Variants in PHKB observed in about 807,000 individuals in gnomAD.
PHKB encodes the protein phosphorylase kinase regulatory subunit beta, also known as phosphorylase b kinase regulatory subunit beta.
A neutral mutation model predicts 152.1 loss-of-function variants in PHKB; 122 were observed. That is an observed-to-expected ratio of 0.80 (90% confidence interval 0.69 to 0.93). The LOEUF is 0.93. Ranked by LOEUF, PHKB falls within the 40% of genes least tolerant of loss-of-function variation. PHKB has a pLI of 0.00. For synonymous variants in PHKB, 436 were observed against 464.9 expected (o/e 0.94, Z 0.80); for missense variants, 1,304 against 1,328.4 (o/e 0.98, Z 0.29).
chr16:47,543,023 A>G (rs1380994518), intron 6 of PHKB, among the ~76,000 whole-genome samples: 1 of 152,160 alleles, frequency 6.6e-6, no homozygotes, highest in African/African-American at 2.4e-5. Context: ...CCTGGCCCGA[A>G]CTTCCAACAT....
intron 14 of PHKB, among the ~76,000 whole-genome samples, chr16:47,629,245 A>C (rs1361922617): frequency 6.6e-6 from 1 of 152,088 alleles, no homozygotes; most frequent in Non-Finnish European, 1.5e-5. Flanking sequence ...CAACCTACAA[A>C]ATGGGAGAAA....
intron 14 of PHKB, among the ~76,000 whole-genome samples, chr16:47,629,709 A>C (rs1295761049): frequency 6.6e-6 from 1 of 152,230 alleles, no homozygotes; most frequent in South Asian, 2.1e-4. Flanking sequence ...ATGCTGCTAT[A>C]AAGTCATATG....
chr16:47,671,519 C>T (rs1221811649), intron 26 of PHKB, among the ~76,000 whole-genome samples: 1 of 151,906 alleles, frequency 6.6e-6, no homozygotes, highest in East Asian at 1.9e-4. Flanking sequence ...TAACTTTTTT[C>T]CTTTTCTGTT....
intron 14 of PHKB, among the ~76,000 whole-genome samples, chr16:47,626,024 A>T (rs1972703122): frequency 6.6e-6 from 1 of 152,214 alleles, no homozygotes; most frequent in African/African-American, 2.4e-5. Context: ...AAAATGTTTC[A>T]TTCATCTTTC....
chr16:47,571,857 A>G (rs1230604120), intron 7 of PHKB, among the ~76,000 whole-genome samples: 1 of 152,104 alleles, frequency 6.6e-6, no homozygotes, highest in Non-Finnish European at 1.5e-5. Flanking sequence ...GTGGTACTCA[A>G]GGTTCATACT....
rs1969694830 is a variant in PHKB at position 47,467,820 on chromosome 16, T to G, written c.76+6394T>G. Among the ~76,000 whole-genome samples, 6 of 152,284 alleles carry G rather than the reference T, an allele frequency of 3.9e-5. No individual in the cohort carries two copies. The South Asian group carries it at 1.2e-3, about 32-fold the overall frequency. On this transcript the variant is annotated intron_variant, in intron 1 of 30. Coordinates refer to ENST00000323584, the MANE Select transcript of PHKB (RefSeq NM_000293.3). Reference sequence around the variant, plus strand: ...CACATTGTGCATTCTAAAAGCGATTTTCCTTGTGCTGTTTTATCTTCAGTC... The same window carrying G: ...CACATTGTGCATTCTAAAAGCGATTGTCCTTGTGCTGTTTTATCTTCAGTC...
chr16:47,605,288 C>A (rs1167959031), intron 13 of PHKB, among the ~76,000 whole-genome samples: 3 of 152,088 alleles, frequency 2.0e-5, no homozygotes, highest in Non-Finnish European at 4.4e-5. Context: ...TATACATGAG[C>A]ACGTGGTGTA....
rs1020407703 is a variant in PHKB at position 47,463,874 on chromosome 16, C to T, written c.76+2448C>T. 3 of 1,575,092 alleles carry T rather than the reference C, an allele frequency of 1.9e-6. No individual in the cohort carries two copies. The African/African-American group carries it at 4.0e-5, about 21-fold the overall frequency. ...TAACACTGATTGCTTCTAACCTTTACTAAACAGTTTTAAAATTGCTATAGC... is the reference window on the plus strand; with the variant it reads ...TAACACTGATTGCTTCTAACCTTTATTAAACAGTTTTAAAATTGCTATAGC... On this transcript the variant is annotated intron_variant, in intron 1 of 30. Transcript: ENST00000323584.
intron 20 of PHKB, among the ~76,000 whole-genome samples, chr16:47,658,153 A>G (rs974129903): frequency 1.3e-5 from 2 of 152,012 alleles, no homozygotes; most frequent in Non-Finnish European, 2.9e-5. Context: ...CAGCTGCCCC[A>G]TCTACTCTGT....
chr16:47,660,607 A>C, intron 21 of PHKB, 40 bp downstream of exon 21: 1 of 1,612,952 alleles, frequency 6.2e-7, no homozygotes. Context: ...GGTTTTTTGA[A>C]ATTACATTAG....
At chr16:47,508,279 A>G (rs940017811) in intron 4 of PHKB, among the ~76,000 whole-genome samples, 12 of 152,106 alleles carry the variant, frequency 7.9e-5, no homozygotes, top group Non-Finnish European at 1.8e-4. Flanking sequence ...GCTATGTTTT[A>G]CCTCTCAGTG....
chr16:47,616,466 TATATA>T (rs1272073919), intron 14 of PHKB, among the ~76,000 whole-genome samples: 6 of 139,952 alleles, frequency 4.3e-5, no homozygotes, highest in African/African-American at 7.5e-5. Context: ...ATATATATGA[TATATA>T]ATATATCAAT....
intron 14 of PHKB, among the ~76,000 whole-genome samples, chr16:47,640,260 A>G (rs915201237): frequency 1.3e-4 from 20 of 152,330 alleles, no homozygotes; most frequent in African/African-American, 4.3e-4. Flanking sequence ...ATCCATTACT[A>G]TAAAAGAGTT....
chr16:47,677,326 A>C (rs1266661709), intron 26 of PHKB, among the ~76,000 whole-genome samples: 1 of 152,198 alleles, frequency 6.6e-6, no homozygotes, highest in African/African-American at 2.4e-5. Context: ...AATATGAATC[A>C]AGCAAAAAAA....
At chr16:47,530,339 C>T (rs1394237458) in intron 6 of PHKB, among the ~76,000 whole-genome samples, 4 of 151,786 alleles carry the variant, frequency 2.6e-5, no homozygotes, top group African/African-American at 9.7e-5. Flanking sequence ...TTTCGCCCAC[C>T]CAGTAGAGAT....
At chr16:47,491,384 A>C (rs1421305770) in intron 1 of PHKB, among the ~76,000 whole-genome samples, 3 of 152,328 alleles carry the variant, frequency 2.0e-5, no homozygotes, top group South Asian at 2.1e-4. Flanking sequence ...TAGTGAGCCT[A>C]GTATCTAACC....
chr16:47,647,852 C>T (rs1251769613), intron 16 of PHKB, among the ~76,000 whole-genome samples: 2 of 152,070 alleles, frequency 1.3e-5, no homozygotes, highest in Non-Finnish European at 2.9e-5. Context: ...AAATGGGACA[C>T]AGAATATATA....
chr16:47,537,479 T>A (rs1567296585), intron 6 of PHKB, among the ~76,000 whole-genome samples: 1 of 152,248 alleles, frequency 6.6e-6, no homozygotes. Context: ...AATCTCCTGC[T>A]TTTGTTTGTT....
chr16:47,659,736 C>T (rs1020197866), intron 20 of PHKB, among the ~76,000 whole-genome samples: 1 of 152,170 alleles, frequency 6.6e-6, no homozygotes, highest in Non-Finnish European at 1.5e-5. Context: ...GGAGACTTGT[C>T]GGTATCCTAT....
Sources: gnomAD v4.1 joint callset for allele counts (sites outside exome capture counted in the v4.1 genomes callset) on GRCh38, gnomAD v4.1.1 for gene constraint, MANE v1.5 for transcripts, NCBI Gene and HGNC (gene_info 2026-07-23, HGNC 2026-07-21) for gene names.